Variants in OVOL1 observed in about 807,000 individuals in gnomAD.
OVOL1 encodes the protein putative transcription factor Ovo-like 1.
A neutral mutation model predicts 21.5 loss-of-function variants in OVOL1; 10 were observed. The ratio of observed to expected loss-of-function variants is 0.46; its 90% CI spans 0.29 to 0.79. OVOL1 has a LOEUF of 0.79. Among genes scored for constraint, OVOL1 ranks in the 30% least tolerant of loss-of-function variants. The pLI is 0.10. For synonymous variants in OVOL1, 129 were observed against 150.3 expected, an observed-to-expected ratio of 0.86 and a Z score of 1.03; for missense variants, 279 against 362.3, an observed-to-expected ratio of 0.77 and a Z score of 1.87.
Position 65,787,344 on chromosome 11 carries a change from C to T in OVOL1, c.-30C>T, listed in dbSNP as rs1166470527. 2.0e-6 allele frequency: 3 copies of T among 1,536,308 alleles called. No homozygotes were observed. Among genetic ancestry groups the T allele is most frequent in the African/African-American group, 2.8e-5 (2 of 72,276 alleles). On this transcript the variant is annotated 5_prime_UTR_variant, in exon 1 of 4. Transcript: ENST00000335987. ...CGGCTCCCGGCTTCAGTTACGGAAG[C>T]GGCCCGTGTCCAGCGACGAGGGTTC...
At chr11:65,788,718 T>C in intron 1 of OVOL1, 1 of 985,434 alleles carries the variant, frequency 1.0e-6, no homozygotes, top group Non-Finnish European at 1.2e-6. Context: ...CAGCTTAACC[T>C]GATCTCAAGG....
chr11:65,792,784 C>T (rs1321735421), intron 1 of OVOL1, among the ~76,000 whole-genome samples: 2 of 152,220 alleles, frequency 1.3e-5, no homozygotes, highest in Non-Finnish European at 1.5e-5. Context: ...GGGCCTCTCC[C>T]GAAACTTCAG....
In OVOL1 at chr11:65,795,155, G is replaced by A. The variant is rs111316258; in HGVS notation, c.618G>A (p.Lys206=). ...IHGVQQKYAY[K]ERRAKLYVCE... is the part of the protein sequence containing the mutation. ...GTGTGCAGCAGAAGTACGCGTACAA[G>A]GAGCGGCGGGCCAAGCTGTACGTGT... Residue 206 remains lysine (K), a synonymous_variant, in exon 4 of 4, where the codon AAG becomes AAA. Transcript: ENST00000335987. The surrounding 1 kb of genome is among the most constrained non-coding windows in gnomAD (Gnocchi z 5.7). 2.4e-3 allele frequency: 3,824 copies of A among 1,613,338 alleles called. 60 individuals are homozygous for A. The African/African-American group carries it at 0.044, about 18-fold the overall frequency.
intron 1 of OVOL1, chr11:65,788,451 A>C: frequency 1.0e-6 from 1 of 984,304 alleles, no homozygotes; most frequent in Non-Finnish European, 1.2e-6. Context: ...GGACGCTCTG[A>C]ACGCCCAGCC....
Position 65,794,665 on chromosome 11 carries a change from C to T in OVOL1, c.446C>T (p.Thr149Met), listed in dbSNP as rs772724956. The T allele has an allele frequency of 1.5e-5, 24 of 1,613,660 alleles. No homozygotes were observed. The highest frequency in any genetic ancestry group is 2.7e-5 in the African/African-American group (2 of 74,948). ...CHNDVKRHLC[T>M]YCGKGFNDTF... ...AACGACGTCAAGAGGCACCTCTGCA[C>T]GTACTGCGGGAAGGGCTTCAATGAC... The change falls in exon 3 of 4, where the codon ACG becomes ATG. Residue 149 changes from threonine (T) to methionine (M), a missense_variant. Physicochemically the swap from Thr to Met is moderately conservative, Grantham distance 81 (BLOSUM62 -1). Transcript: ENST00000335987.
At chr11:65,789,716 T>C (rs1590997529) in intron 1 of OVOL1, 1 of 985,116 alleles carries the variant, frequency 1.0e-6, no homozygotes, top group East Asian at 1.1e-4. Flanking sequence ...CAGCTAAGCG[T>C]TGACCCCATT....
At position 65,795,032 on chromosome 11, in the gene OVOL1, T is replaced by G. The variant is rs1268588495; in HGVS notation, c.509-14T>G. ...CTGCCAGGTCTCTGATGCTGGCCCC[T>G]GTCCTCCCCACAGGCGTGCGGCCCT... On this transcript the variant is annotated splice_polypyrimidine_tract_variant and intron_variant, in intron 3 of 3. Coordinates refer to ENST00000335987, the MANE Select transcript of OVOL1 (RefSeq NM_004561.4). This position sits in a 1 kb window ranked among gnomAD's most constrained non-coding sequence, Gnocchi z 5.7. 1.9e-6 allele frequency: 3 copies of G among 1,608,402 alleles called. No homozygotes were observed. Among genetic ancestry groups the G allele is most frequent in the Non-Finnish European group, 2.5e-6 (3 of 1,177,736 alleles).
chr11:65,795,521 T>C lies in OVOL1; in HGVS notation c.*180T>C, dbSNP rs1421601983. On this transcript the variant is annotated 3_prime_UTR_variant, in exon 4 of 4. Coordinates refer to ENST00000335987, the MANE Select transcript of OVOL1 (RefSeq NM_004561.4). The surrounding 1 kb of genome is among the most constrained non-coding windows in gnomAD (Gnocchi z 5.7). ...TGCTCACTCAGGCCCAGCAATGACCTCTGCTCATTTTTGCATTTTTGACTT... is the reference window on the plus strand; with the variant it reads ...TGCTCACTCAGGCCCAGCAATGACCCCTGCTCATTTTTGCATTTTTGACTT... 3.6e-5 allele frequency: 22 copies of C among 618,342 alleles called. No homozygotes were observed. The highest frequency in any genetic ancestry group is 6.2e-5 in the Non-Finnish European group (22 of 352,960). 38.3% of individuals were successfully genotyped at this position (618,342 alleles called of 1,614,324 possible).
Position 65,787,176 on chromosome 11 carries a change from G to A in OVOL1, c.-198G>A. On this transcript the variant is annotated 5_prime_UTR_variant, in exon 1 of 4. Coordinates refer to ENST00000335987, the MANE Select transcript of OVOL1 (RefSeq NM_004561.4). ...TGGCCGCAAGGGACCTCGTTCTCAG[G>A]GAAGACGGCGACATTCCGCGGAGGT... 1 of 473,596 alleles carries A rather than the reference G, an allele frequency of 2.1e-6. No individual in the cohort carries two copies. The highest frequency in any genetic ancestry group is 3.9e-6 in the Non-Finnish European group (1 of 254,338). The allele number at this position is 473,596 out of a possible 1,614,324, so 29.3% of individuals were successfully genotyped here. A position where few individuals can be genotyped will look rare whatever the true frequency, so the allele number is the denominator to read the frequency against.
At chr11:65,790,865 T>C (rs1858002082) in intron 1 of OVOL1, 1 of 152,358 alleles carries the variant, frequency 6.6e-6, no homozygotes, top group African/African-American at 2.4e-5. Context: ...AAAGAACAGG[T>C]GAGGGCGAGT....
rs764501350 is a variant in OVOL1 at position 65,795,551 on chromosome 11, G to A, written c.*210G>A. ...TCATTTTTGCATTTTTGACTTATGGGCCGAGGCTGTTCTGAGCCTGGGAAG... is the reference window on the plus strand; with the variant it reads ...TCATTTTTGCATTTTTGACTTATGGACCGAGGCTGTTCTGAGCCTGGGAAG... On this transcript the variant is annotated 3_prime_UTR_variant, in exon 4 of 4. Coordinates refer to ENST00000335987, the MANE Select transcript of OVOL1 (RefSeq NM_004561.4). The surrounding 1 kb of genome is among the most constrained non-coding windows in gnomAD (Gnocchi z 5.7). 5.2e-5 allele frequency: 31 copies of A among 599,810 alleles called. No homozygotes were observed. The highest frequency in any genetic ancestry group is 8.6e-5 in the Non-Finnish European group (29 of 336,888). 37.2% of individuals were successfully genotyped at this position (599,810 alleles called of 1,614,324 possible). A position where few individuals can be genotyped will look rare whatever the true frequency, so the allele number is the denominator to read the frequency against.
At chr11:65,794,465 C>A in intron 2 of OVOL1, 73 bp from the exon 3 acceptor site, 1 of 1,432,636 alleles carries the variant, frequency 7.0e-7, no homozygotes, top group East Asian at 2.3e-5. Context: ...GGCTGGCATC[C>A]ACGTCTTCCC....
In OVOL1 at chr11:65,795,436, C is replaced by G; in HGVS notation, c.*95C>G. 1 of 1,172,094 alleles carries G rather than the reference C, an allele frequency of 8.5e-7. No homozygotes were observed. The highest frequency in any genetic ancestry group is 1.2e-6 in the Non-Finnish European group (1 of 832,150). 72.6% of individuals were successfully genotyped at this position (1,172,094 alleles called of 1,614,324 possible). A position where few individuals can be genotyped will look rare whatever the true frequency, so the allele number is the denominator to read the frequency against. On this transcript the variant is annotated 3_prime_UTR_variant, in exon 4 of 4. Coordinates refer to ENST00000335987, the MANE Select transcript of OVOL1 (RefSeq NM_004561.4). The surrounding 1 kb of genome is among the most constrained non-coding windows in gnomAD (Gnocchi z 5.7). ...CAGCCCACCCTCCTGCAACCTCTCA[C>G]CCGAACACCAGTGATCAGGACTGGA...
chr11:65,793,164 C>T (rs370118241), intron 1 of OVOL1, among the ~76,000 whole-genome samples: 42 of 152,220 alleles, frequency 2.8e-4, no homozygotes, highest in Non-Finnish European at 4.1e-4. Context: ...CTGTGTCCCT[C>T]GAGAGTGCTC....
Position 65,797,199 on chromosome 11 carries a change from A to G in OVOL1, c.*1858A>G, listed in dbSNP as rs940478336. 5 of 152,172 alleles carry G rather than the reference A, an allele frequency of 3.3e-5. No homozygotes were observed. Among genetic ancestry groups the G allele is most frequent in the Non-Finnish European group, 7.3e-5 (5 of 68,034 alleles). The allele number at this position is 152,172 out of a possible 1,614,324, so 9.4% of individuals were successfully genotyped here. A position where few individuals can be genotyped will look rare whatever the true frequency, so the allele number is the denominator to read the frequency against. On this transcript the variant is annotated 3_prime_UTR_variant, in exon 4 of 4. Transcript: ENST00000335987. ...TTTTATAACCTTCCTCTCAACTATTAAAATTAGAGATCTAATGTTTTCTGT... is the reference window on the plus strand; with the variant it reads ...TTTTATAACCTTCCTCTCAACTATTGAAATTAGAGATCTAATGTTTTCTGT...
At chr11:65,794,442 C>G in intron 2 of OVOL1, 96 bp from the exon 3 acceptor site, 1 of 1,284,658 alleles carries the variant, frequency 7.8e-7, no homozygotes, top group South Asian at 1.3e-5. Context: ...CCACCCTCCT[C>G]AGGGACACTG....
At chr11:65,793,823 C>A in intron 1 of OVOL1, 1 of 593,792 alleles carries the variant, frequency 1.7e-6, no homozygotes, top group Non-Finnish European at 3.0e-6. Context: ...CGGGCAGTGG[C>A]GCTTGGCTGG....
At chr11:65,794,831 TG>T in intron 3 of OVOL1, 104 bp downstream of exon 3, 1 of 1,232,796 alleles carries the variant, frequency 8.1e-7, no homozygotes, top group Non-Finnish European at 1.2e-6. Flanking sequence ...ACGGGCAGCC[TG>T]GGAGGGCATC....
chr11:65,787,355 C>A lies in OVOL1; in HGVS notation c.-19C>A. On this transcript the variant is annotated 5_prime_UTR_variant, in exon 1 of 4. Transcript: ENST00000335987. ...TTCAGTTACGGAAGCGGCCCGTGTCCAGCGACGAGGGTTCGAAAATGCCCC... is the reference window on the plus strand; with the variant it reads ...TTCAGTTACGGAAGCGGCCCGTGTCAAGCGACGAGGGTTCGAAAATGCCCC... 6.4e-7 allele frequency: 1 copy of A among 1,561,494 alleles called. No individual in the cohort carries two copies. The highest frequency in any genetic ancestry group is 8.7e-7 in the Non-Finnish European group (1 of 1,152,658).
Sources: gnomAD v4.1 joint callset for allele counts (sites outside exome capture counted in the v4.1 genomes callset) on GRCh38, gnomAD v4.1.1 for gene constraint, Gnocchi (gnomAD v3.1) non-coding constraint, MANE v1.5 for transcripts, NCBI Gene and HGNC (gene_info 2026-07-23, HGNC 2026-07-21) for gene names.